Variants in COG5 observed in about 807,000 individuals in gnomAD.
COG5 encodes the protein conserved oligomeric Golgi complex subunit 5.
In COG5, 86 loss-of-function variants were observed where a neutral mutation model predicts 110.4. That is an observed-to-expected ratio of 0.78 (90% confidence interval 0.65 to 0.93). COG5 has a LOEUF of 0.93. Ranked by LOEUF, COG5 falls within the 40% of genes least tolerant of loss-of-function variation. The pLI is 0.00. For missense variants in COG5, 1,077 were observed against 987.0 expected (o/e 1.09, Z -1.22); for synonymous variants, 360 against 334.6 (o/e 1.08, Z -0.83).
chr7:107,233,366 C>G (rs1398541232), intron 18 of COG5, among the ~76,000 whole-genome samples: 1 of 152,128 alleles, frequency 6.6e-6, no homozygotes, highest in Non-Finnish European at 1.5e-5. Flanking sequence ...GAATTAATTA[C>G]CTGTAGGAAA....
chr7:107,502,698 T>C (rs901732794), intron 6 of COG5, among the ~76,000 whole-genome samples: 3 of 152,146 alleles, frequency 2.0e-5, no homozygotes, highest in African/African-American at 4.8e-5. Flanking sequence ...TTTCTAATAA[T>C]GGCCATTCTA....
chr7:107,314,072 T>C (rs1224157348), intron 11 of COG5, among the ~76,000 whole-genome samples: 4 of 152,190 alleles, frequency 2.6e-5, no homozygotes, highest in Non-Finnish European at 5.9e-5. Context: ...ATTTTGAGAA[T>C]GACTTACAAG....
chr7:107,311,091 T>C (rs1808193196), intron 11 of COG5, among the ~76,000 whole-genome samples: 2 of 152,246 alleles, frequency 1.3e-5, no homozygotes, highest in South Asian at 4.1e-4. Flanking sequence ...CGAATGTCTG[T>C]TTAAATTTTT....
At chr7:107,398,680 G>A (rs1791194874) in intron 7 of COG5, among the ~76,000 whole-genome samples, 1 of 152,126 alleles carries the variant, frequency 6.6e-6, no homozygotes, top group South Asian at 2.1e-4. Flanking sequence ...AAAAGATTGT[G>A]CTAAGTGAAG....
intron 7 of COG5, among the ~76,000 whole-genome samples, chr7:107,407,840 G>A (rs1584783844): frequency 6.6e-6 from 1 of 151,782 alleles, no homozygotes; most frequent in East Asian, 1.9e-4. Flanking sequence ...TTATGTTCAG[G>A]GAAACAAGGG....
intron 11 of COG5, among the ~76,000 whole-genome samples, chr7:107,318,689 T>C (rs777221618): frequency 1.3e-5 from 2 of 152,188 alleles, no homozygotes; most frequent in Non-Finnish European, 2.9e-5. Flanking sequence ...CTTGTGCCTG[T>C]GTACATAGAG....
At chr7:107,249,690 T>TTGTGTG (rs57572752) in intron 16 of COG5, among the ~76,000 whole-genome samples, 179 of 131,748 alleles carry the variant, frequency 1.4e-3, no homozygotes, top group South Asian at 6.1e-3. Context: ...ACGTACAGGA[T>TTGTGTG]TGTGTGTGTG....
chr7:107,496,319 C>A (rs1003486933), intron 6 of COG5, among the ~76,000 whole-genome samples: 1 of 152,058 alleles, frequency 6.6e-6, no homozygotes, highest in Non-Finnish European at 1.5e-5. Context: ...ACATCATGAA[C>A]AACTAGGATC....
chr7:107,246,293 C>T (rs1802053059), intron 17 of COG5, among the ~76,000 whole-genome samples: 1 of 152,116 alleles, frequency 6.6e-6, no homozygotes, highest in African/African-American at 2.4e-5. Flanking sequence ...CTATCCTGAA[C>T]AAAGGAATAG....
intron 6 of COG5, among the ~76,000 whole-genome samples, chr7:107,435,212 A>C (rs1338784782): frequency 6.6e-6 from 1 of 152,184 alleles, no homozygotes; most frequent in Admixed American, 6.6e-5. Flanking sequence ...AGGGGAAAAA[A>C]TTCTGGGAAT....
intron 2 of COG5, among the ~76,000 whole-genome samples, chr7:107,556,394 C>G (rs960548805): frequency 1.3e-5 from 2 of 152,206 alleles, no homozygotes; most frequent in African/African-American, 2.4e-5. Context: ...GAGACTTCCT[C>G]TACCTCACAT....
intron 1 of COG5, among the ~76,000 whole-genome samples, chr7:107,558,635 C>T (rs563866899): frequency 2.7e-5 from 4 of 148,720 alleles, no homozygotes; most frequent in Non-Finnish European, 5.9e-5. Context: ...ACCTGTAATC[C>T]CAGCACTTTG....
Position 107,309,487 on chromosome 7 carries a change from T to A in COG5, c.1109-11141A>T, listed in dbSNP as rs552888536. 3.9e-5 allele frequency among the ~76,000 whole-genome samples: 6 copies of A among 152,282 alleles called. No individual in the cohort carries two copies. The South Asian group carries it at 1.2e-3, about 32-fold the overall frequency. On this transcript the variant is annotated intron_variant, in intron 11 of 21. Transcript: ENST00000297135. ...TGGAACAGAGGTAGGCAGAAGCTTT[T>A]TGCAGAGCCCAGTGGGAGACACAGA... is the stretch of plus-strand genomic sequence containing the variant.
intron 6 of COG5, among the ~76,000 whole-genome samples, chr7:107,494,086 A>T (rs1312488719): frequency 6.6e-6 from 1 of 152,240 alleles, no homozygotes; most frequent in African/African-American, 2.4e-5. Flanking sequence ...GGGAGTACAG[A>T]AATTTTATAT....
intron 6 of COG5, among the ~76,000 whole-genome samples, chr7:107,499,559 C>T (rs917474416): frequency 6.6e-6 from 1 of 152,052 alleles, no homozygotes; most frequent in Non-Finnish European, 1.5e-5. Context: ...GAGCACGTCA[C>T]CATGCCCAGC....
intron 10 of COG5, among the ~76,000 whole-genome samples, chr7:107,350,969 T>C (rs1179654932): frequency 6.6e-6 from 1 of 152,230 alleles, no homozygotes; most frequent in Non-Finnish European, 1.5e-5. Context: ...TCAAAGATTC[T>C]CTTATTTTTC....
In COG5 at chr7:107,469,116, T is replaced by A. The variant is rs1184740469; in HGVS notation, c.539-56484A>T. 7.3e-5 allele frequency among the ~76,000 whole-genome samples: 11 copies of A among 151,580 alleles called. No homozygotes were observed. In the Middle Eastern group the frequency reaches 0.01, roughly 142 times the overall value. The stretch of plus-strand genomic sequence containing the variant: ...ATTATTTTCATTTTGAAAATGTATC[T>A]ATCTTATAATGATTTGGCTTTATAA... On this transcript the variant is annotated intron_variant, in intron 6 of 21. Transcript: ENST00000297135.
chr7:107,317,241 G>C (rs1227092170), intron 11 of COG5, among the ~76,000 whole-genome samples: 2 of 152,112 alleles, frequency 1.3e-5, no homozygotes, highest in African/African-American at 4.8e-5. Flanking sequence ...CCATGGCACG[G>C]AAAGAGGGAA....
At chr7:107,281,271 A>G (rs745975204) in intron 14 of COG5, 29 bp downstream of exon 14, 2 of 1,386,362 alleles carry the variant, frequency 1.4e-6, no homozygotes, top group Non-Finnish European at 2.1e-6. Flanking sequence ...TAAAATCATT[A>G]AAGTTTACAG....
Sources: gnomAD v4.1 joint callset for allele counts (sites outside exome capture counted in the v4.1 genomes callset) on GRCh38, gnomAD v4.1.1 for gene constraint, MANE v1.5 for transcripts, NCBI Gene and HGNC (gene_info 2026-07-23, HGNC 2026-07-21) for gene names.